LRRC37A2: variants seen among roughly 807,000 people sequenced by gnomAD.
LRRC37A2 encodes the protein leucine-rich repeat-containing protein 37A2.
In LRRC37A2, 9 loss-of-function variants were observed where a neutral mutation model predicts 68.8. The ratio of observed to expected loss-of-function variants is 0.13; its 90% CI spans 0.08 to 0.23. The LOEUF is 0.23. Among genes scored for constraint, LRRC37A2 ranks in the 10% least tolerant of loss-of-function variants. The probability of loss-of-function intolerance (pLI) is 1.00; values close to 1 mark genes in which losing one functional copy is unlikely to be tolerated. For missense variants in LRRC37A2, 168 were observed against 950.4 expected (o/e 0.18, Z 10.82); for synonymous variants, 63 against 367.6 (o/e 0.17, Z 9.48).
the LRRC37A2 span, among the ~76,000 whole-genome samples, chr17:46,720,634 A>G: frequency 6.6e-6 from 1 of 152,216 alleles, no homozygotes; most frequent in Non-Finnish European, 1.5e-5. Flanking sequence ...ACGTTTTTAT[A>G]TGCTACCAAA....
the LRRC37A2 span, among the ~76,000 whole-genome samples, chr17:46,718,188 T>C: frequency 6.6e-6 from 1 of 152,108 alleles, no homozygotes; most frequent in Non-Finnish European, 1.5e-5. Flanking sequence ...GTGTTTGCTC[T>C]CCCCTGACCC....
chr17:46,492,426 A>G, the LRRC37A2 span, among the ~76,000 whole-genome samples: 1 of 150,824 alleles, frequency 6.6e-6, no homozygotes, highest in Admixed American at 6.6e-5. Context: ...TCAATAGTTG[A>G]ATATTTCAAT....
the LRRC37A2 span, among the ~76,000 whole-genome samples, chr17:46,606,051 T>C: frequency 1.1e-5 from 1 of 91,394 alleles, no homozygotes; most frequent in Admixed American, 1.2e-4. Flanking sequence ...TGGTGGCGCA[T>C]GCCTGTAATC....
the LRRC37A2 span, among the ~76,000 whole-genome samples, chr17:46,671,921 T>G: frequency 1.4e-5 from 2 of 144,846 alleles, 1 homozygote; most frequent in Non-Finnish European, 3.1e-5. Context: ...TTAGCTCAGC[T>G]ATGAGAATAA....
chr17:46,497,800 T>C, the LRRC37A2 span, among the ~76,000 whole-genome samples: 3 of 145,140 alleles, frequency 2.1e-5, no homozygotes, highest in Admixed American at 1.4e-4. Context: ...TTAAATTTCC[T>C]GTTGCCACTT....
the LRRC37A2 span, among the ~76,000 whole-genome samples, chr17:46,947,845 C>T: frequency 6.6e-6 from 1 of 152,158 alleles, no homozygotes; most frequent in African/African-American, 2.4e-5. Flanking sequence ...CTCGGCTCAC[C>T]GTAACCTCCG....
chr17:46,982,342 C>T, the LRRC37A2 span, among the ~76,000 whole-genome samples: 3 of 152,186 alleles, frequency 2.0e-5, no homozygotes, highest in Non-Finnish European at 4.4e-5. Flanking sequence ...AGTCAGACTG[C>T]CTGATGTAAA....
At chr17:46,919,776 GTC>G in the LRRC37A2 span, among the ~76,000 whole-genome samples, 1 of 152,052 alleles carries the variant, frequency 6.6e-6, no homozygotes, top group Non-Finnish European at 1.5e-5. Context: ...GTGAAACCCT[GTC>G]TCTACTAAAA....
the LRRC37A2 span, among the ~76,000 whole-genome samples, chr17:46,803,779 T>C: frequency 2.0e-5 from 3 of 152,220 alleles, no homozygotes; most frequent in Non-Finnish European, 4.4e-5. Context: ...CCACAGGCAG[T>C]GTGGCCTGCC....
chr17:47,006,375 A>G, the LRRC37A2 span, among the ~76,000 whole-genome samples: 1 of 152,126 alleles, frequency 6.6e-6, no homozygotes, highest in Non-Finnish European at 1.5e-5. Context: ...AAATCCTAGC[A>G]CTTTGGGAGG....
chr17:46,699,216 GAC>G, the LRRC37A2 span, among the ~76,000 whole-genome samples: 1 of 109,754 alleles, frequency 9.1e-6, no homozygotes, highest in African/African-American at 3.5e-5. Flanking sequence ...GGTTTTCTGA[GAC>G]AAGTGGAAAA....
chr17:46,778,709 T>C, the LRRC37A2 span, among the ~76,000 whole-genome samples: 1 of 152,202 alleles, frequency 6.6e-6, no homozygotes, highest in Non-Finnish European at 1.5e-5. Flanking sequence ...CGGATTTGCC[T>C]AGCCAGCTGA....
the LRRC37A2 span, among the ~76,000 whole-genome samples, chr17:46,708,491 CTT>C: frequency 5.2e-3 from 647 of 124,842 alleles, 2 homozygotes; most frequent in African/African-American, 0.019. Context: ...GTTACATATC[CTT>C]TTTTTTTTTT....
chr17:47,018,495 C>T, the LRRC37A2 span: 1 of 1,523,540 alleles, frequency 6.6e-7, no homozygotes, highest in Non-Finnish European at 9.1e-7. Flanking sequence ...TTCTTTAGTC[C>T]ACCAGCAGGC....
the LRRC37A2 span, among the ~76,000 whole-genome samples, chr17:46,744,500 ATT>A: frequency 6.6e-6 from 1 of 152,206 alleles, no homozygotes; most frequent in Non-Finnish European, 1.5e-5. Context: ...CTTGCTCAGC[ATT>A]GAATGATATG....
At chr17:46,939,261 C>T in the LRRC37A2 span, 3 of 1,036,318 alleles carry the variant, frequency 2.9e-6, no homozygotes, top group South Asian at 3.7e-5. Flanking sequence ...CCTGGCCACC[C>T]TCCCCTGTGC....
the LRRC37A2 span, among the ~76,000 whole-genome samples, chr17:46,679,192 G>T: frequency 3.3e-5 from 5 of 151,610 alleles, no homozygotes; most frequent in African/African-American, 1.2e-4. Context: ...GCTTGGGAGG[G>T]GTTGTGAGGA....
At chr17:46,800,410 C>T in the LRRC37A2 span, among the ~76,000 whole-genome samples, 1 of 152,188 alleles carries the variant, frequency 6.6e-6, no homozygotes, top group Non-Finnish European at 1.5e-5. Context: ...CATGCCTGGC[C>T]TGATAACAGA....
At chr17:46,937,336 A>G in the LRRC37A2 span, 1 of 152,330 alleles carries the variant, frequency 6.6e-6, no homozygotes, top group South Asian at 2.1e-4. Context: ...CTACAAAGTA[A>G]ATAGGTTGGT....
Sources: allele counts gnomAD v4.1 joint callset (sites outside exome capture counted in the v4.1 genomes callset), GRCh38; gene constraint gnomAD v4.1.1; transcripts MANE v1.5; gene names NCBI Gene and HGNC (gene_info 2026-07-23, HGNC 2026-07-21).